NTRK3: variants seen among roughly 807,000 people sequenced by gnomAD.
NTRK3 encodes neurotrophic receptor tyrosine kinase 3, also known as NT-3 growth factor receptor.
In NTRK3, 24 loss-of-function variants were observed where a neutral mutation model predicts 91.7. That is an observed-to-expected ratio of 0.26 (90% CI 0.19 to 0.37). The LOEUF (loss-of-function observed/expected upper bound fraction) is 0.37. Among genes scored for constraint, NTRK3 ranks in the 10% least tolerant of loss-of-function variants. The pLI is 1.00. For synonymous variants in NTRK3, 483 were observed against 404.0 expected, an observed-to-expected ratio of 1.20 and a Z score of -2.34; for missense variants, 880 against 1,068.9, an observed-to-expected ratio of 0.82 and a Z score of 2.46.
intron 14 of NTRK3, among the ~76,000 whole-genome samples, chr15:87,947,261 C>T (rs546740106): frequency 6.6e-6 from 1 of 152,096 alleles, no homozygotes; most frequent in South Asian, 2.1e-4. Context: ...ACGTAACTTG[C>T]CCAAGATCCC....
chr15:88,060,213 T>G (rs890846043), intron 13 of NTRK3, among the ~76,000 whole-genome samples: 1 of 151,836 alleles, frequency 6.6e-6, no homozygotes, highest in Admixed American at 6.6e-5. Flanking sequence ...AAACTCCATC[T>G]CTACTAAAAA....
chr15:88,178,550 A>G (rs2046199727), intron 5 of NTRK3, among the ~76,000 whole-genome samples: 1 of 152,178 alleles, frequency 6.6e-6, no homozygotes, highest in South Asian at 2.1e-4. Flanking sequence ...TTTGCTTCCA[A>G]AAGGAGAAAT....
At chr15:88,084,499 G>A (rs2048327867) in intron 13 of NTRK3, among the ~76,000 whole-genome samples, 1 of 152,214 alleles carries the variant, frequency 6.6e-6, no homozygotes, top group East Asian at 1.9e-4. Flanking sequence ...AATGCTGCAA[G>A]CAGGTTCCTC....
intron 17 of NTRK3, among the ~76,000 whole-genome samples, chr15:87,886,695 T>TATATATATATATATATATATATAC (rs1567070989): frequency 1.4e-5 from 2 of 139,928 alleles, no homozygotes; most frequent in African/African-American, 5.5e-5. Context: ...TATATATATA[T>TATATATATATATATATATATATAC]ATATACATAT....
intron 5 of NTRK3, among the ~76,000 whole-genome samples, chr15:88,148,033 T>C (rs946041610): frequency 6.6e-6 from 1 of 152,192 alleles, no homozygotes; most frequent in African/African-American, 2.4e-5. Context: ...CAAACAACTT[T>C]TGATGTGATA....
chr15:87,901,245 A>C (rs902348964), intron 17 of NTRK3, among the ~76,000 whole-genome samples: 2 of 152,242 alleles, frequency 1.3e-5, no homozygotes, highest in South Asian at 4.1e-4. Context: ...AACCTACAAG[A>C]AAGTCTTAAA....
intron 17 of NTRK3, among the ~76,000 whole-genome samples, chr15:87,896,682 T>A (rs1264515968): frequency 6.6e-6 from 1 of 152,130 alleles, no homozygotes; most frequent in Non-Finnish European, 1.5e-5. Context: ...ATCCTTTTGA[T>A]TTCTGATCTA....
rs912200351 is a variant in NTRK3 at position 88,255,790 on chromosome 15, G to A, written c.248+116C>T. 29 of 835,372 alleles carry A rather than the reference G, an allele frequency of 3.5e-5. No homozygotes were observed. Among genetic ancestry groups the A allele is most frequent in the Non-Finnish European group, 4.3e-5 (26 of 609,990 alleles). 51.7% of individuals were successfully genotyped at this position (835,372 alleles called of 1,614,324 possible). A position where few individuals can be genotyped will look rare whatever the true frequency, so the allele number is the denominator to read the frequency against. On this transcript the variant is annotated intron_variant, in intron 3 of 18. Transcript: ENST00000394480. The surrounding 1 kb of genome is among the most constrained non-coding windows in gnomAD (Gnocchi z 4.3). ...AGAGCGAGCCTGACGCGCGCCCAGCGGGCGGCGGGCAGCGGCGAGCTGGGG... is the reference window on the plus strand; with the variant it reads ...AGAGCGAGCCTGACGCGCGCCCAGCAGGCGGCGGGCAGCGGCGAGCTGGGG...
intron 14 of NTRK3, among the ~76,000 whole-genome samples, chr15:88,018,077 C>T (rs1391629360): frequency 6.6e-6 from 1 of 152,146 alleles, no homozygotes; most frequent in Non-Finnish European, 1.5e-5. Flanking sequence ...AAAGGAGACT[C>T]GGCCAAAAAT....
chr15:88,211,704 G>C (rs145401854), intron 3 of NTRK3, among the ~76,000 whole-genome samples: 1 of 152,334 alleles, frequency 6.6e-6, no homozygotes, highest in East Asian at 1.9e-4. Flanking sequence ...TTTCCTGGCA[G>C]CTAAGGTGAA....
intron 13 of NTRK3, among the ~76,000 whole-genome samples, chr15:88,082,715 T>C (rs899149521): frequency 6.6e-6 from 1 of 152,218 alleles, no homozygotes; most frequent in Non-Finnish European, 1.5e-5. Context: ...ATTCCTACTC[T>C]AGAATACTAA....
chr15:87,907,059 AT>A (rs58936048), intron 17 of NTRK3, among the ~76,000 whole-genome samples: 2,544 of 152,290 alleles, frequency 0.017, 66 homozygotes, highest in African/African-American at 0.059. Flanking sequence ...TTCCCTTTTC[AT>A]TCTCAGAAGG....
chr15:88,056,430 C>T (rs2045701869), intron 13 of NTRK3, among the ~76,000 whole-genome samples: 1 of 151,900 alleles, frequency 6.6e-6, no homozygotes, highest in Non-Finnish European at 1.5e-5. Flanking sequence ...AAATTAAGTA[C>T]AGTAAATATT....
At chr15:87,892,083 A>AACACACAC (rs58946187) in intron 17 of NTRK3, among the ~76,000 whole-genome samples, 64,661 of 141,064 alleles carry the variant, frequency 0.46, 16,138 homozygotes, top group Non-Finnish European at 0.57. Context: ...CCCCATCCCC[A>AACACACAC]ACACACACAC....
intron 3 of NTRK3, among the ~76,000 whole-genome samples, chr15:88,206,336 T>A (rs866073443): frequency 2.9e-4 from 27 of 91,742 alleles, no homozygotes; most frequent in African/African-American, 9.7e-4. Context: ...ACAGCGAGAC[T>A]CCATCTCAAA....
chr15:87,889,351 CAG>C (rs1261906546), intron 17 of NTRK3, among the ~76,000 whole-genome samples: 5 of 148,518 alleles, frequency 3.4e-5, no homozygotes, highest in East Asian at 4.0e-4. Flanking sequence ...TTACTGGAAA[CAG>C]AGTTTTACTG....
intron 13 of NTRK3, among the ~76,000 whole-genome samples, chr15:88,090,589 A>T (rs910445462): frequency 1.3e-5 from 2 of 152,136 alleles, no homozygotes; most frequent in African/African-American, 4.8e-5. Flanking sequence ...TCCAGAAATG[A>T]CCGTGACAGC....
intron 5 of NTRK3, among the ~76,000 whole-genome samples, chr15:88,181,990 A>G (rs530973284): frequency 2.6e-4 from 39 of 152,294 alleles, no homozygotes; most frequent in Non-Finnish European, 5.6e-4. Context: ...CACCTGGAAC[A>G]TCTGGTCCAA....
exon 19 of NTRK3, chr15:87,875,982 A>C (rs1177961487): frequency 3.0e-5 from 7 of 232,480 alleles, no homozygotes; most frequent in Admixed American, 2.3e-4. Context: ...TAACCCCCTA[A>C]GCTTCCCAGG....
Sources: gnomAD v4.1 joint callset for allele counts (sites outside exome capture counted in the v4.1 genomes callset) on GRCh38, gnomAD v4.1.1 for gene constraint, Gnocchi (gnomAD v3.1) non-coding constraint, MANE v1.5 for transcripts, NCBI Gene and HGNC (gene_info 2026-07-23, HGNC 2026-07-21) for gene names.